The following ACTR3C variants were observed in gnomAD, a reference collection of about 807,000 sequenced individuals.
The protein encoded by ACTR3C is actin-related protein 3C.
A neutral mutation model predicts 26.3 loss-of-function variants in ACTR3C; 18 were observed. The observed-to-expected ratio is 0.68, with a 90% confidence interval of 0.47 to 1.01. The LOEUF is 1.01. Among genes scored for constraint, ACTR3C ranks in the 50% least tolerant of loss-of-function variants. The pLI is 0.00. For synonymous variants in ACTR3C, 55 were observed against 94.5 expected, an observed-to-expected ratio of 0.58 and a Z score of 2.42; for missense variants, 184 against 250.7, an observed-to-expected ratio of 0.73 and a Z score of 1.80.
intron 1 of ACTR3C, among the ~76,000 whole-genome samples, chr7:150,297,798 G>T (rs1283635690): frequency 6.8e-6 from 1 of 147,990 alleles, no homozygotes; most frequent in African/African-American, 2.6e-5. Flanking sequence ...GTTGCAGTGA[G>T]CTGAGATCAC....
the ACTR3C span, among the ~76,000 whole-genome samples, chr7:150,039,973 C>A: frequency 1.5e-5 from 2 of 133,468 alleles, no homozygotes; most frequent in Non-Finnish European, 3.2e-5. Context: ...CCCCGCCTCG[C>A]GGGGATTGCC....
chr7:150,027,012 C>A, the ACTR3C span, among the ~76,000 whole-genome samples: 14,101 of 151,582 alleles, frequency 0.093, 811 homozygotes, highest in East Asian at 0.23. Flanking sequence ...GGTTTTCTTC[C>A]ATATAATTAA....
At chr7:150,036,640 G>A in the ACTR3C span, among the ~76,000 whole-genome samples, 1 of 142,310 alleles carries the variant, frequency 7.0e-6, no homozygotes, top group Non-Finnish European at 1.6e-5. Flanking sequence ...CAGCTCCTAA[G>A]AATTCTCTCA....
chr7:150,308,561 C>T (rs1796008446), intron 1 of ACTR3C, among the ~76,000 whole-genome samples: 1 of 152,082 alleles, frequency 6.6e-6, no homozygotes, highest in African/African-American at 2.4e-5. Flanking sequence ...CTTCTTCTTT[C>T]TCTCCTGTCC....
the ACTR3C span, among the ~76,000 whole-genome samples, chr7:149,882,526 AGAGAG>A: frequency 6.6e-6 from 1 of 151,938 alleles, no homozygotes; most frequent in African/African-American, 2.4e-5. Flanking sequence ...CCATTCCGGG[AGAGAG>A]GAGAGGGTCC....
the ACTR3C span, among the ~76,000 whole-genome samples, chr7:150,066,260 G>A: frequency 2.6e-5 from 4 of 152,192 alleles, no homozygotes; most frequent in South Asian, 6.2e-4. Flanking sequence ...GTGTGCAGAG[G>A]GGGGATAAAG....
chr7:150,053,987 A>C, the ACTR3C span, among the ~76,000 whole-genome samples: 1 of 152,258 alleles, frequency 6.6e-6, no homozygotes, highest in Non-Finnish European at 1.5e-5. Flanking sequence ...AGGTCCAAGT[A>C]CTGCAGATTC....
chr7:150,158,435 T>C, the ACTR3C span, among the ~76,000 whole-genome samples: 2 of 152,264 alleles, frequency 1.3e-5, no homozygotes, highest in East Asian at 1.9e-4. Flanking sequence ...ATAATCAAGA[T>C]ACAGATGCAA....
intron 6 of ACTR3C, among the ~76,000 whole-genome samples, chr7:150,273,261 TG>T (rs1164438642): frequency 7.3e-6 from 1 of 136,842 alleles, no homozygotes; most frequent in African/African-American, 3.2e-5. Context: ...TTTATTTCAC[TG>T]CTTATAGAGC....
At chr7:150,081,513 G>A in the ACTR3C span, among the ~76,000 whole-genome samples, 2 of 151,308 alleles carry the variant, frequency 1.3e-5, no homozygotes, top group Non-Finnish European at 2.9e-5. Flanking sequence ...GTCATCTAAG[G>A]TTTGTAGCCA....
chr7:150,229,573 C>T, the ACTR3C span, among the ~76,000 whole-genome samples: 1 of 152,008 alleles, frequency 6.6e-6, no homozygotes, highest in East Asian at 1.9e-4. Flanking sequence ...CAACCTCCGC[C>T]TCCCACGTTC....
chr7:150,015,723 C>T, the ACTR3C span, among the ~76,000 whole-genome samples: 9 of 152,314 alleles, frequency 5.9e-5, no homozygotes, highest in East Asian at 5.8e-4. Flanking sequence ...AACCAAGGCC[C>T]GCCTTTCCTA....
chr7:150,245,808 G>A (rs1832432613), downstream of ACTR3C: 1 of 152,194 alleles, frequency 6.6e-6, no homozygotes, highest in Admixed American at 6.5e-5. Flanking sequence ...AATGCCTGCT[G>A]GGGGGCTCAG....
the ACTR3C span, among the ~76,000 whole-genome samples, chr7:150,113,228 A>G: frequency 6.9e-6 from 1 of 145,654 alleles, no homozygotes; most frequent in Non-Finnish European, 1.5e-5. Flanking sequence ...TGAGACTGAC[A>G]TTTAGTTTTC....
chr7:150,040,488 G>C, the ACTR3C span: 1 of 148,312 alleles, frequency 6.7e-6, no homozygotes, highest in African/African-American at 2.6e-5. Flanking sequence ...ACAAAGGCTT[G>C]GCTAATACTG....
At chr7:150,066,548 G>A in the ACTR3C span, among the ~76,000 whole-genome samples, 2 of 152,166 alleles carry the variant, frequency 1.3e-5, no homozygotes. Flanking sequence ...AATTCAGCTT[G>A]ACAACAGTTG....
the ACTR3C span, among the ~76,000 whole-genome samples, chr7:150,115,359 C>T: frequency 6.6e-6 from 1 of 152,162 alleles, no homozygotes; most frequent in Admixed American, 6.5e-5. Context: ...CTTGGGCCAC[C>T]CGGGGAGCAA....
chr7:149,977,584 C>T, the ACTR3C span, among the ~76,000 whole-genome samples: 2 of 152,146 alleles, frequency 1.3e-5, no homozygotes, highest in Non-Finnish European at 2.9e-5. Flanking sequence ...TTCAGTTACA[C>T]GATGAAAACC....
chr7:149,932,139 A>T, the ACTR3C span, among the ~76,000 whole-genome samples: 19 of 152,326 alleles, frequency 1.2e-4, no homozygotes, highest in African/African-American at 4.6e-4. Context: ...ATACAGTGGA[A>T]TATTATTGGC....
Sources: allele counts gnomAD v4.1 joint callset (sites outside exome capture counted in the v4.1 genomes callset), GRCh38; gene constraint gnomAD v4.1.1; transcripts MANE v1.5; gene names NCBI Gene and HGNC (gene_info 2026-07-23, HGNC 2026-07-21).